The following PRDM15 variants were observed in gnomAD, a reference collection of about 807,000 sequenced individuals.
PRDM15 encodes PR/SET domain 15.
In PRDM15, 64 loss-of-function variants were observed where a neutral mutation model predicts 128.6. The observed-to-expected ratio is 0.50, with a 90% CI of 0.41 to 0.61. PRDM15 has a LOEUF of 0.61. Among genes scored for constraint, PRDM15 ranks in the 20% least tolerant of loss-of-function variants. The pLI is 0.00. For synonymous variants in PRDM15, 615 were observed against 621.8 expected, an observed-to-expected ratio of 0.99 and a Z score of 0.16; for missense variants, 1,242 against 1,569.1, an observed-to-expected ratio of 0.79 and a Z score of 3.52.
chr21:41,868,061 C>A (rs973362051), intron 1 of PRDM15, among the ~76,000 whole-genome samples: 5 of 151,206 alleles, frequency 3.3e-5, no homozygotes, highest in African/African-American at 7.3e-5. Context: ...AAAAGAATGT[C>A]ATATAAATGA....
chr21:41,844,976 T>C (rs1477957616), intron 6 of PRDM15, among the ~76,000 whole-genome samples: 15 of 1,264 alleles, frequency 0.012, no homozygotes, highest in Admixed American at 0.05. Context: ...ACACAGCCCC[T>C]CCCCCCTCAC....
chr21:41,825,590 A>ACTGGGT (rs1490144159), intron 13 of PRDM15, among the ~76,000 whole-genome samples: 2 of 144,546 alleles, frequency 1.4e-5, no homozygotes, highest in African/African-American at 5.2e-5. Flanking sequence ...AAATAAAGCC[A>ACTGGGT]CTGGGTCCCC....
At chr21:41,830,984 C>T (rs555928747) in intron 11 of PRDM15, among the ~76,000 whole-genome samples, 39 of 152,244 alleles carry the variant, frequency 2.6e-4, no homozygotes, top group African/African-American at 8.4e-4. Flanking sequence ...CACCAGTTGA[C>T]GGCGACCCCG....
rs544150963 is a variant in PRDM15 at position 41,820,698 on chromosome 21, A to G, written c.2060+369T>C. On this transcript the variant is annotated intron_variant, in intron 16 of 23. Transcript: ENST00000398548. The stretch of plus-strand genomic sequence containing the variant: ...TTAGCGCCCCTGCACGGGACTGTTT[A>G]GTCACTCACTCAGCAGACCGCGCAG... Among the ~76,000 whole-genome samples, 10 of 152,342 alleles carry G rather than the reference A, an allele frequency of 6.6e-5. No homozygotes were observed. The East Asian group carries it at 1.4e-3, about 21-fold the overall frequency.
In PRDM15 at chr21:41,828,417, T is replaced by A; in HGVS notation, c.1367-84A>T. On this transcript the variant is annotated intron_variant, in intron 11 of 23. Coordinates refer to ENST00000398548, the MANE Select transcript of PRDM15 (RefSeq NM_001040424.3). This position sits in a 1 kb window ranked among gnomAD's most constrained non-coding sequence, Gnocchi z 5.7. ...CACGCACGTGTGGCCTGAACGTCAA[T>A]AAAGCGCGGGTGACGGGCATGAGAG... 1 of 1,444,100 alleles carries A rather than the reference T, an allele frequency of 6.9e-7. No homozygotes were observed. The highest frequency in any genetic ancestry group is 9.6e-7 in the Non-Finnish European group (1 of 1,037,446). 89.5% of individuals were successfully genotyped at this position (1,444,100 alleles called of 1,614,324 possible).
chr21:41,805,986 T>TATC (rs1568879200), intron 21 of PRDM15, among the ~76,000 whole-genome samples: 1 of 9,448 alleles, frequency 1.1e-4, no homozygotes, highest in African/African-American at 3.0e-4. Context: ...CTATCACCAC[T>TATC]ATCACCACCA....
At chr21:41,818,035 C>T (rs2062111675) in intron 18 of PRDM15, among the ~76,000 whole-genome samples, 1 of 152,216 alleles carries the variant, frequency 6.6e-6, no homozygotes, top group Non-Finnish European at 1.5e-5. Context: ...CTCCTCTCTG[C>T]CTGCCTAAGA....
chr21:41,817,301 C>A (rs143287537), intron 18 of PRDM15, among the ~76,000 whole-genome samples: 8 of 152,310 alleles, frequency 5.3e-5, no homozygotes, highest in African/African-American at 7.2e-5. Flanking sequence ...GTGTCATATT[C>A]TTACTGGCCA....
Position 41,801,298 on chromosome 21 carries a change from T to A in PRDM15, c.3368A>T (p.Gln1123Leu). 6.4e-7 allele frequency: 1 copy of A among 1,562,692 alleles called. No homozygotes were observed. The highest frequency in any genetic ancestry group is 8.7e-7 in the Non-Finnish European group (1 of 1,152,856). Reference protein sequence around the residue: ...PPSQPQAPPQQAAQPQVQAEQ... With the variant: ...PPSQPQAPPQLAAQPQVQAEQ... ...CGCCTGCACCTGGGGCTGGGCCGCC[T>A]GCTGTGGGGGTGCCTGCGGCTGCGA... Residue 1123 changes from glutamine to leucine, a missense_variant, in exon 24 of 24, where the codon CAG (glutamine) becomes CTG (leucine). Gln to Leu is a moderately radical substitution (Grantham distance 113, BLOSUM62 -2). Coordinates refer to ENST00000398548, the MANE Select transcript of PRDM15 (RefSeq NM_001040424.3).
At chr21:41,857,373 C>A (rs750745855) in intron 3 of PRDM15, 44 bp from the exon 4 acceptor site, 1 of 1,605,058 alleles carries the variant, frequency 6.2e-7, no homozygotes, top group South Asian at 1.1e-5. Flanking sequence ...GCACTCACAC[C>A]CAGGGACCGA....
In PRDM15 at chr21:41,816,365, G is replaced by A. The variant is rs77272369; in HGVS notation, c.2261-529C>T. Reference sequence around the variant, plus strand: ...GGGGCTGAGTCAGAGGTTGTGGTGCGCTGGCAGGGACAGCACTGTACAAGG... The same window carrying A: ...GGGGCTGAGTCAGAGGTTGTGGTGCACTGGCAGGGACAGCACTGTACAAGG... On this transcript the variant is annotated intron_variant, in intron 18 of 23. Coordinates refer to ENST00000398548, the MANE Select transcript of PRDM15 (RefSeq NM_001040424.3). 4.1e-3 allele frequency among the ~76,000 whole-genome samples: 623 copies of A among 152,298 alleles called. 23 individuals carry two copies. In the East Asian group the frequency reaches 0.1, roughly 25 times the overall value.
intron 18 of PRDM15, among the ~76,000 whole-genome samples, chr21:41,817,695 C>T (rs556605049): frequency 1.6e-4 from 24 of 151,904 alleles, no homozygotes; most frequent in African/African-American, 5.6e-4. Context: ...ATCTCCAAGA[C>T]GTATTTTCAA....
intron 19 of PRDM15, chr21:41,814,649 G>C (rs1459981193): frequency 6.9e-6 from 1 of 144,664 alleles, no homozygotes; most frequent in Non-Finnish European, 1.5e-5. Flanking sequence ...CCTTGTGTTA[G>C]TGATTGCGCA....
chr21:41,838,035 G>A lies in PRDM15; in HGVS notation c.900C>T (p.Val300=). Residue 300 remains valine, a synonymous_variant, in exon 8 of 24, where the codon GTC becomes GTT. Transcript: ENST00000398548. ...TEQVAEIITE[V]PPDEPVSATP... is the part of the protein sequence containing the mutation. ...TTGCACTCACAGGCTCATCCGGAGG[G>A]ACCTCGGTAATGATCTCTGCCACTT... The A allele has an allele frequency of 6.2e-7, 1 of 1,614,158 alleles. No individual in the cohort carries two copies.
Position 41,837,904 on chromosome 21 carries a change from G to A in PRDM15, c.1001+30C>T, listed in dbSNP as rs762461348. 3 of 1,613,610 alleles carry A rather than the reference G, an allele frequency of 1.9e-6. No individual in the cohort carries two copies. In the African/African-American group the frequency reaches 4.0e-5, roughly 22 times the overall value. ...CTGCTGCCAGCATTGTCTGTCCACA[G>A]GACGGCCCCAGGTGCCAGGCAGGAC... On this transcript the variant is annotated intron_variant, in intron 8 of 23. Transcript: ENST00000398548.
At chr21:41,840,338 G>C (rs2146628751) in intron 6 of PRDM15, among the ~76,000 whole-genome samples, 1 of 151,932 alleles carries the variant, frequency 6.6e-6, no homozygotes, top group South Asian at 2.1e-4. Context: ...CCCAGCCACT[G>C]GGGAGGCTGA....
At chr21:41,827,702 C>T (rs2062518211) in intron 12 of PRDM15, among the ~76,000 whole-genome samples, 1 of 152,190 alleles carries the variant, frequency 6.6e-6, no homozygotes. Flanking sequence ...GCATATGCTT[C>T]ATTTGTAATT....
intron 1 of PRDM15, among the ~76,000 whole-genome samples, chr21:41,864,314 A>G (rs1268853126): frequency 6.6e-6 from 1 of 152,222 alleles, no homozygotes; most frequent in African/African-American, 2.4e-5. Flanking sequence ...ACAGTCTTAA[A>G]ACATAAAATA....
At chr21:41,861,534 GC>G (rs201350627) in intron 1 of PRDM15, 676 of 1,470,954 alleles carry the variant, frequency 4.6e-4, no homozygotes, top group Admixed American at 9.3e-4. Flanking sequence ...TTCCTCCTCT[GC>G]CCCCCCCCAA....
Sources: allele counts gnomAD v4.1 joint callset (sites outside exome capture counted in the v4.1 genomes callset), GRCh38; gene constraint gnomAD v4.1.1; non-coding constraint Gnocchi (gnomAD v3.1); transcripts MANE v1.5; gene names NCBI Gene and HGNC (gene_info 2026-07-23, HGNC 2026-07-21).